Variants in BRINP1 observed in about 807,000 individuals in gnomAD.
BRINP1 encodes the protein BMP/retinoic acid inducible neural specific 1.
BRINP1 carries 17 observed loss-of-function variants against 72.9 expected under a neutral mutation model. The ratio of observed to expected loss-of-function variants is 0.23; its 90% CI spans 0.16 to 0.35. The LOEUF (loss-of-function observed/expected upper bound fraction) is 0.35. BRINP1 is among the 10% of genes least tolerant of loss of function. BRINP1 has a pLI of 1.00. For synonymous variants in BRINP1, 418 were observed against 378.5 expected, an observed-to-expected ratio of 1.10 and a Z score of -1.21; for missense variants, 850 against 1,001.6, an observed-to-expected ratio of 0.85 and a Z score of 2.04.
chr9:119,281,507 G>T (rs1186659687), intron 2 of BRINP1, among the ~76,000 whole-genome samples: 1 of 152,152 alleles, frequency 6.6e-6, no homozygotes, highest in East Asian at 1.9e-4. Context: ...AGGGAAGGGA[G>T]AAAGAGAGGT....
chr9:119,224,893 A>T (rs1420657011), intron 5 of BRINP1, among the ~76,000 whole-genome samples: 20 of 152,090 alleles, frequency 1.3e-4, no homozygotes, highest in Admixed American at 1.3e-3. Context: ...AGTCACATGG[A>T]AATGCACTGT....
intron 5 of BRINP1, among the ~76,000 whole-genome samples, chr9:119,223,883 A>C (rs909204283): frequency 6.6e-6 from 1 of 152,262 alleles, no homozygotes; most frequent in East Asian, 1.9e-4. Flanking sequence ...TAAGAGAACA[A>C]TGGTGCTAAA....
intron 5 of BRINP1, among the ~76,000 whole-genome samples, chr9:119,232,693 G>A (rs547773256): frequency 6.6e-6 from 1 of 152,146 alleles, no homozygotes; most frequent in Non-Finnish European, 1.5e-5. Flanking sequence ...AAATAAATTA[G>A]TAAATGTATG....
intron 2 of BRINP1, among the ~76,000 whole-genome samples, chr9:119,297,255 G>C (rs984402947): frequency 4.2e-4 from 64 of 152,130 alleles, no homozygotes; most frequent in African/African-American, 1.5e-3. Flanking sequence ...GGGAATTGAG[G>C]CTCAGGGTTA....
At position 119,167,822 on chromosome 9, in the gene BRINP1, A is replaced by AAAGAAGGTGTCG. The variant is rs1564207155; in HGVS notation, c.1536_1547dup (p.Thr514_Asp517dup). ...ACATGCGCTTGCGCCACCGAGGGTC[A>AAAGAAGGTGTCG]AAGAAGGTGTCGAGGCGGATCTCGT... On this transcript the variant is annotated inframe_insertion, in exon 8 of 8. Transcript: ENST00000265922. This position sits in a 1 kb window ranked among gnomAD's most constrained non-coding sequence, Gnocchi z 4.3. 1 of 1,613,936 alleles carries AAAGAAGGTGTCG rather than the reference A, an allele frequency of 6.2e-7. No individual in the cohort carries two copies. Among genetic ancestry groups the AAAGAAGGTGTCG allele is most frequent in the African/African-American group, 1.3e-5 (1 of 74,890 alleles).
At chr9:119,248,220 T>G (rs1241814475) in intron 3 of BRINP1, among the ~76,000 whole-genome samples, 3 of 152,224 alleles carry the variant, frequency 2.0e-5, no homozygotes, top group Non-Finnish European at 4.4e-5. Context: ...TTTGTGAGTA[T>G]GTGGCACAGC....
chr9:119,312,566 G>C (rs1350385018), intron 2 of BRINP1, among the ~76,000 whole-genome samples: 1 of 152,178 alleles, frequency 6.6e-6, no homozygotes, highest in African/African-American at 2.4e-5. Flanking sequence ...TGGATGAGTA[G>C]AATGTCAACG....
intron 5 of BRINP1, among the ~76,000 whole-genome samples, chr9:119,216,725 T>A (rs1829981564): frequency 6.6e-6 from 1 of 152,210 alleles, no homozygotes; most frequent in African/African-American, 2.4e-5. Flanking sequence ...CATCATTTTC[T>A]TTCTCCCTTC....
intron 2 of BRINP1, chr9:119,282,890 C>G: frequency 3.0e-6 from 3 of 985,382 alleles, no homozygotes; most frequent in Non-Finnish European, 3.6e-6. Flanking sequence ...TCCCTGTGTA[C>G]CGCAAACACA....
At chr9:119,225,922 G>T in intron 5 of BRINP1, among the ~76,000 whole-genome samples, 1 of 152,028 alleles carries the variant, frequency 6.6e-6, no homozygotes, top group Non-Finnish European at 1.5e-5. Flanking sequence ...AAAACAAATC[G>T]ATTCGACAGT....
intron 7 of BRINP1, among the ~76,000 whole-genome samples, chr9:119,180,479 ATGTGTGTGTGTG>A (rs112009324): frequency 0.041 from 5,436 of 132,284 alleles, 296 homozygotes; most frequent in African/African-American, 0.15. Flanking sequence ...CTCTCTGTGC[ATGTGTGTGTGTG>A]TGTGTGTGTG....
At chr9:119,181,571 A>G (rs1485302467) in intron 7 of BRINP1, among the ~76,000 whole-genome samples, 2 of 152,222 alleles carry the variant, frequency 1.3e-5, no homozygotes, top group East Asian at 3.9e-4. Flanking sequence ...GAAAAGAAGT[A>G]ATGACTGACC....
chr9:119,321,028 T>G (rs552503319), intron 1 of BRINP1, among the ~76,000 whole-genome samples: 6 of 152,234 alleles, frequency 3.9e-5, no homozygotes, highest in Non-Finnish European at 7.4e-5. Flanking sequence ...CCTCCCGGGT[T>G]CACGCCATTC....
chr9:119,178,007 G>A (rs1829508684), intron 7 of BRINP1, among the ~76,000 whole-genome samples: 1 of 152,154 alleles, frequency 6.6e-6, no homozygotes, highest in Non-Finnish European at 1.5e-5. Flanking sequence ...TGGAGAGTGG[G>A]GAAGGGTGAT....
chr9:119,220,745 A>G (rs1456752635), intron 5 of BRINP1, among the ~76,000 whole-genome samples: 1 of 152,210 alleles, frequency 6.6e-6, no homozygotes, highest in African/African-American at 2.4e-5. Context: ...TCAGTGATCT[A>G]TTATGAAGAC....
At chr9:119,288,916 T>A (rs1263865850) in intron 2 of BRINP1, among the ~76,000 whole-genome samples, 1 of 152,192 alleles carries the variant, frequency 6.6e-6, no homozygotes, top group Non-Finnish European at 1.5e-5. Context: ...TTCTCCTGCC[T>A]CAGCCTCCCA....
intron 6 of BRINP1, among the ~76,000 whole-genome samples, chr9:119,209,764 G>T (rs1829902538): frequency 6.6e-6 from 1 of 152,146 alleles, no homozygotes; most frequent in Non-Finnish European, 1.5e-5. Flanking sequence ...CAGGCAATTA[G>T]CAAGTGTTAG....
intron 5 of BRINP1, among the ~76,000 whole-genome samples, chr9:119,235,014 T>C (rs1830181181): frequency 6.6e-6 from 1 of 152,214 alleles, no homozygotes; most frequent in Non-Finnish European, 1.5e-5. Flanking sequence ...ATCCTCGTCA[T>C]AATGCCTCCT....
chr9:119,180,479 A>ATG (rs112009324), intron 7 of BRINP1, among the ~76,000 whole-genome samples: 4,772 of 132,250 alleles, frequency 0.036, 105 homozygotes, highest in Non-Finnish European at 0.053. Context: ...CTCTCTGTGC[A>ATG]TGTGTGTGTG....
Sources: allele counts gnomAD v4.1 joint callset (sites outside exome capture counted in the v4.1 genomes callset), GRCh38; gene constraint gnomAD v4.1.1; non-coding constraint Gnocchi (gnomAD v3.1); transcripts MANE v1.5; gene names NCBI Gene and HGNC (gene_info 2026-07-23, HGNC 2026-07-21).